The following MPP3 variants were observed in gnomAD, a reference collection of about 807,000 sequenced individuals.
MPP3 encodes MAGUK p55 subfamily member 3.
A neutral mutation model predicts 80.7 loss-of-function variants in MPP3; 48 were observed. That is an observed-to-expected ratio of 0.59 (90% CI 0.47 to 0.76). MPP3 has a LOEUF of 0.76. MPP3 is among the 30% of genes least tolerant of loss of function. The pLI is 0.00. For missense variants in MPP3, 620 were observed against 763.0 expected, an observed-to-expected ratio of 0.81 and a Z score of 2.21; for synonymous variants, 311 against 297.6, an observed-to-expected ratio of 1.04 and a Z score of -0.46.
chr17:43,818,609 G>T (rs750602298), intron 11 of MPP3, among the ~76,000 whole-genome samples: 1 of 152,116 alleles, frequency 6.6e-6, no homozygotes, highest in Non-Finnish European at 1.5e-5. Flanking sequence ...GCTCTCAGAG[G>T]TCACTAGATT....
At chr17:43,820,403 C>T (rs914536758) in intron 11 of MPP3, among the ~76,000 whole-genome samples, 6 of 151,936 alleles carry the variant, frequency 3.9e-5, no homozygotes, top group African/African-American at 7.3e-5. Context: ...GAGTTTGAGA[C>T]CAGCCTGGCC....
chr17:43,825,614 G>A, intron 9 of MPP3, 142 bp downstream of exon 9: 1 of 639,914 alleles, frequency 1.6e-6, no homozygotes, highest in East Asian at 2.8e-5. Flanking sequence ...CACACTGTTA[G>A]GGGCACACCA....
chr17:43,826,014 T>G (rs2045681030), intron 8 of MPP3, among the ~76,000 whole-genome samples, 173 bp from the exon 9 acceptor site: 1 of 152,208 alleles, frequency 6.6e-6, no homozygotes, highest in Admixed American at 6.5e-5. Flanking sequence ...GCTGGGCACC[T>G]CACTCGGCAT....
Position 43,820,894 on chromosome 17 carries a change from G to A in MPP3, c.849C>T (p.Ala283=), listed in dbSNP as rs756811804. The change falls in exon 11 of 20, where the codon GCC becomes GCT. Residue 283 remains alanine (A), a synonymous_variant. Transcript: ENST00000398389. ...GGAACCCCTTGGAGGGGATGAGGCCGGCTCGAAGGTTGGTGTCCCCGACTC... is the reference window on the plus strand; with the variant it reads ...GGAACCCCTTGGAGGGGATGAGGCCAGCTCGAAGGTTGGTGTCCCCGACTC... ...AKRVGDTNLR[A]GLIPSKGFQE... 26 of 1,614,054 alleles carry A rather than the reference G, an allele frequency of 1.6e-5. No homozygotes were observed. Among genetic ancestry groups the A allele is most frequent in the Non-Finnish European group, 2.1e-5 (25 of 1,180,034 alleles).
chr17:43,815,887 T>G (rs1055039323), intron 14 of MPP3, 151 bp downstream of exon 14: 6 of 763,692 alleles, frequency 7.9e-6, no homozygotes, highest in Non-Finnish European at 1.2e-5. Context: ...CCTGCTTGGG[T>G]TGAGAGAACT....
At chr17:43,824,430 C>G (rs917967923) in intron 9 of MPP3, among the ~76,000 whole-genome samples, 19 of 152,128 alleles carry the variant, frequency 1.2e-4, no homozygotes, top group Non-Finnish European at 2.5e-4. Flanking sequence ...TCCTTTGCCT[C>G]TTTCCTGCCT....
intron 19 of MPP3, among the ~76,000 whole-genome samples, chr17:43,805,925 A>G (rs764136163): frequency 6.6e-6 from 1 of 152,230 alleles, no homozygotes; most frequent in Non-Finnish European, 1.5e-5. Context: ...AAATGTGTGA[A>G]TTGTACAGTA....
intron 19 of MPP3, among the ~76,000 whole-genome samples, chr17:43,806,212 C>T (rs1384595884): frequency 6.6e-6 from 1 of 152,162 alleles, no homozygotes; most frequent in African/African-American, 2.4e-5. Flanking sequence ...GTCGCCCAGG[C>T]TGAAGTACAG....
chr17:43,810,067 C>G (rs1462094668), intron 18 of MPP3, among the ~76,000 whole-genome samples: 3 of 152,084 alleles, frequency 2.0e-5, no homozygotes, highest in African/African-American at 7.2e-5. Context: ...CACTAACTCC[C>G]TGTAAGTCCA....
At chr17:43,820,615 C>T (rs1287875618) in intron 11 of MPP3, among the ~76,000 whole-genome samples, 2 of 146,746 alleles carry the variant, frequency 1.4e-5, no homozygotes, top group African/African-American at 5.3e-5. Flanking sequence ...TACACACACA[C>T]ACACACACAC....
intron 14 of MPP3, 126 bp downstream of exon 14, chr17:43,815,912 G>A (rs1342265452): frequency 1.2e-6 from 1 of 862,928 alleles, no homozygotes; most frequent in Non-Finnish European, 1.7e-6. Flanking sequence ...AGAGATGGGG[G>A]TCCCATAGGC....
intron 18 of MPP3, among the ~76,000 whole-genome samples, chr17:43,809,986 C>T (rs2044778627): frequency 6.6e-6 from 1 of 152,136 alleles, no homozygotes; most frequent in Non-Finnish European, 1.5e-5. Flanking sequence ...TATCTGCACC[C>T]TTGATCAATA....
chr17:43,815,396 T>C (rs1482524209), intron 14 of MPP3, among the ~76,000 whole-genome samples: 2 of 152,084 alleles, frequency 1.3e-5, no homozygotes, highest in African/African-American at 4.8e-5. Flanking sequence ...AGCCAGGAGC[T>C]TGAAACCAGC....
At position 43,827,328 on chromosome 17, in the gene MPP3, T is replaced by TG. The variant is rs1373605541; in HGVS notation, c.523+422_523+423insC. ...ACTGTGCCTGGCTTTTTTTTTTTTT[T>TG]CTTTTTTTTTTTTTTTTGAGACAGA... is the stretch of plus-strand genomic sequence containing the variant. On this transcript the variant is annotated intron_variant, in intron 8 of 19. Transcript: ENST00000398389. Among the ~76,000 whole-genome samples, 228 of 138,526 alleles carry TG rather than the reference T, an allele frequency of 1.6e-3. 1 individual carries two copies. Among genetic ancestry groups the TG allele is most frequent in the African/African-American group, 5.7e-3 (203 of 35,874 alleles). The allele number at this position is 138,526 out of a possible 152,430, so 90.9% of individuals were successfully genotyped here. A position where few individuals can be genotyped will look rare whatever the true frequency, so the allele number is the denominator to read the frequency against.
intron 5 of MPP3, among the ~76,000 whole-genome samples, chr17:43,830,941 C>A (rs2045929509): frequency 6.6e-6 from 1 of 152,206 alleles, no homozygotes; most frequent in African/African-American, 2.4e-5. Context: ...AGTTTGGGAA[C>A]TGCTGAGCCA....
chr17:43,823,902 G>C (rs1410160587), intron 10 of MPP3, 29 bp downstream of exon 10: 2 of 1,556,196 alleles, frequency 1.3e-6, no homozygotes, highest in African/African-American at 1.4e-5. Flanking sequence ...CAAGCTGAGA[G>C]AGGGCACCGC....
At chr17:43,816,420 C>T (rs941912122) in intron 13 of MPP3, among the ~76,000 whole-genome samples, 1 of 152,218 alleles carries the variant, frequency 6.6e-6, no homozygotes, top group Non-Finnish European at 1.5e-5. Context: ...CCCATCACAG[C>T]GTAGCCGAGT....
intron 19 of MPP3, among the ~76,000 whole-genome samples, chr17:43,805,417 C>G (rs545195890): frequency 6.6e-6 from 1 of 152,296 alleles, no homozygotes; most frequent in East Asian, 1.9e-4. Flanking sequence ...AAACATAGAA[C>G]TACCCTATGA....
intron 9 of MPP3, among the ~76,000 whole-genome samples, chr17:43,824,416 G>A (rs1022779930): frequency 2.0e-5 from 3 of 152,034 alleles, no homozygotes; most frequent in Admixed American, 6.6e-5. Flanking sequence ...AACCCATTTC[G>A]GTTTCCTTTG....
Sources: allele counts gnomAD v4.1 joint callset (sites outside exome capture counted in the v4.1 genomes callset), GRCh38; gene constraint gnomAD v4.1.1; transcripts MANE v1.5; gene names NCBI Gene and HGNC (gene_info 2026-07-23, HGNC 2026-07-21).